Variants in COG5 observed in about 807,000 individuals in gnomAD.
COG5 encodes the protein component of oligomeric golgi complex 5.
A neutral mutation model predicts 110.4 loss-of-function variants in COG5; 86 were observed. The ratio of observed to expected loss-of-function variants is 0.78; its 90% CI spans 0.65 to 0.93. COG5 has a LOEUF of 0.93. Ranked by LOEUF, COG5 falls within the 40% of genes least tolerant of loss-of-function variation. The pLI is 0.00. For synonymous variants in COG5, 360 were observed against 334.6 expected, an observed-to-expected ratio of 1.08 and a Z score of -0.83; for missense variants, 1,077 against 987.0, an observed-to-expected ratio of 1.09 and a Z score of -1.22.
rs6954422 is a variant in COG5 at position 107,281,559 on chromosome 7, T to A, written c.1476-160A>T. 0.63 allele frequency among the ~76,000 whole-genome samples: 95,981 copies of A among 152,082 alleles called. 32,654 individuals carry two copies. The highest frequency in any genetic ancestry group is 0.91 in the African/African-American group (37,655 of 41,532). On this transcript the variant is annotated intron_variant, in intron 13 of 21. Coordinates refer to ENST00000297135, the MANE Select transcript of COG5 (RefSeq NM_006348.5). ...TGCATTGTTTCATTTTACCCCCTAA[T>A]TTCAGCACTTGGAAAAAGTACCTGG...
chr7:107,247,986 C>T (rs1802176837), intron 17 of COG5, among the ~76,000 whole-genome samples: 1 of 151,882 alleles, frequency 6.6e-6, no homozygotes, highest in Non-Finnish European at 1.5e-5. Context: ...AATACCATGC[C>T]TATGCCAAGG....
chr7:107,261,820 C>T (rs1428985647), intron 14 of COG5, among the ~76,000 whole-genome samples: 6 of 152,030 alleles, frequency 3.9e-5, no homozygotes, highest in African/African-American at 1.5e-4. Flanking sequence ...TCAAATCTTT[C>T]CCTTTGATTT....
At chr7:107,527,167 A>T (rs1800826571) in intron 6 of COG5, 70 bp downstream of exon 6, 1 of 1,400,334 alleles carries the variant, frequency 7.1e-7, no homozygotes, top group Middle Eastern at 2.3e-4. Context: ...AACAAAAGTC[A>T]ACCAATCAAG....
chr7:107,295,101 A>ATT (rs1186745330), intron 12 of COG5, among the ~76,000 whole-genome samples: 1,176 of 45,518 alleles, frequency 0.026, 112 homozygotes, highest in Non-Finnish European at 0.034. Context: ...ATATATATAT[A>ATT]TTTTTTTTTT....
intron 2 of COG5, 33 bp from the exon 3 acceptor site, chr7:107,554,375 T>A (rs371098412): frequency 4.4e-6 from 7 of 1,587,964 alleles, no homozygotes; most frequent in African/African-American, 1.3e-5. Context: ...TAGCTTTTGC[T>A]CTGTTAGGTA....
chr7:107,556,614 T>TA, intron 2 of COG5, among the ~76,000 whole-genome samples: 1 of 152,304 alleles, frequency 6.6e-6, no homozygotes. Context: ...ATAAACAACT[T>TA]ACACTGTTCT....
At chr7:107,345,651 C>A (rs1811537446) in intron 10 of COG5, among the ~76,000 whole-genome samples, 1 of 151,970 alleles carries the variant, frequency 6.6e-6, no homozygotes. Flanking sequence ...CAACCGAGAG[C>A]ATCAGAGAAC....
intron 8 of COG5, among the ~76,000 whole-genome samples, chr7:107,364,187 G>T: frequency 6.6e-6 from 1 of 152,234 alleles, no homozygotes; most frequent in East Asian, 1.9e-4. Context: ...CTTACCAATA[G>T]TATGTTTACC....
chr7:107,507,651 A>G (rs1799128485), intron 6 of COG5, among the ~76,000 whole-genome samples: 1 of 151,918 alleles, frequency 6.6e-6, no homozygotes, highest in Non-Finnish European at 1.5e-5. Context: ...CATATTATAG[A>G]CATCTCAAAA....
At chr7:107,239,418 T>C (rs1342610650) in intron 17 of COG5, among the ~76,000 whole-genome samples, 11 of 152,232 alleles carry the variant, frequency 7.2e-5, no homozygotes, top group Admixed American at 5.2e-4. Context: ...TTGCTCAAGA[T>C]TGCCTTGGCT....
chr7:107,327,840 A>G (rs1809903554), intron 10 of COG5, among the ~76,000 whole-genome samples: 1 of 152,198 alleles, frequency 6.6e-6, no homozygotes, highest in Non-Finnish European at 1.5e-5. Context: ...AATTTTGTGC[A>G]CTGTTGGTAG....
At chr7:107,416,516 T>C (rs1715996221) in intron 6 of COG5, among the ~76,000 whole-genome samples, 1 of 152,188 alleles carries the variant, frequency 6.6e-6, no homozygotes, top group African/African-American at 2.4e-5. Flanking sequence ...AGATACGTTA[T>C]TCTAATACAC....
At chr7:107,279,314 T>A (rs546065636) in intron 14 of COG5, among the ~76,000 whole-genome samples, 2 of 152,310 alleles carry the variant, frequency 1.3e-5, no homozygotes, top group East Asian at 3.9e-4. Flanking sequence ...CTTAATCTTG[T>A]GGACTGGAAG....
At chr7:107,501,879 A>G (rs528770703) in intron 6 of COG5, among the ~76,000 whole-genome samples, 1 of 152,232 alleles carries the variant, frequency 6.6e-6, no homozygotes, top group East Asian at 1.9e-4. Flanking sequence ...CTGTCATTAC[A>G]CTGTAGATAT....
intron 18 of COG5, among the ~76,000 whole-genome samples, chr7:107,231,709 A>G (rs1438821383): frequency 6.6e-6 from 1 of 152,156 alleles, no homozygotes; most frequent in Non-Finnish European, 1.5e-5. Flanking sequence ...TGGGTACACT[A>G]TAGAGACCCA....
At chr7:107,295,097 A>ATT (rs1562955833) in intron 12 of COG5, among the ~76,000 whole-genome samples, 123 of 70,564 alleles carry the variant, frequency 1.7e-3, no homozygotes, top group Non-Finnish European at 2.9e-3. Flanking sequence ...ATATATATAT[A>ATT]TATATTTTTT....
At chr7:107,325,010 G>A (rs1266710064) in intron 10 of COG5, among the ~76,000 whole-genome samples, 2 of 152,074 alleles carry the variant, frequency 1.3e-5, no homozygotes, top group African/African-American at 4.8e-5. Flanking sequence ...CAACATGCTT[G>A]TTAGGATAAC....
chr7:107,434,750 C>A (rs190986507), intron 6 of COG5, among the ~76,000 whole-genome samples: 71 of 152,208 alleles, frequency 4.7e-4, no homozygotes, highest in African/African-American at 1.6e-3. Context: ...GTGGGCGGAT[C>A]ACTAGGTCAG....
intron 21 of COG5, chr7:107,209,193 G>T (rs1482756856): frequency 1.0e-6 from 1 of 985,338 alleles, no homozygotes. Context: ...ACAGAATTGG[G>T]ATCCCCTGGG....
Sources: gnomAD v4.1 joint callset for allele counts (sites outside exome capture counted in the v4.1 genomes callset) on GRCh38, gnomAD v4.1.1 for gene constraint, MANE v1.5 for transcripts, NCBI Gene and HGNC (gene_info 2026-07-23, HGNC 2026-07-21) for gene names.